MACROD2: variants seen among roughly 807,000 people sequenced by gnomAD.
The protein encoded by MACROD2 is mono-ADP ribosylhydrolase 2, also known as ADP-ribose glycohydrolase MACROD2.
Under a neutral mutation model 70.4 loss-of-function variants are expected in MACROD2, and 36 were observed. The ratio of observed to expected loss-of-function variants is 0.51; its 90% confidence interval spans 0.39 to 0.68. MACROD2 has a LOEUF of 0.68. MACROD2 is among the 30% of genes least tolerant of loss of function. MACROD2 has a pLI of 0.00. For synonymous variants in MACROD2, 172 were observed against 178.8 expected, an observed-to-expected ratio of 0.96 and a Z score of 0.30; for missense variants, 496 against 538.4, an observed-to-expected ratio of 0.92 and a Z score of 0.78.
At chr20:15,438,951 T>C (rs904462186) in intron 7 of MACROD2, among the ~76,000 whole-genome samples, 1 of 152,210 alleles carries the variant, frequency 6.6e-6, no homozygotes, top group Non-Finnish European at 1.5e-5. Flanking sequence ...ACATTTCTAT[T>C]CTAGGAAAAA....
At chr20:15,660,870 C>T (rs537752439) in intron 8 of MACROD2, among the ~76,000 whole-genome samples, 6 of 152,172 alleles carry the variant, frequency 3.9e-5, no homozygotes, top group African/African-American at 1.4e-4. Context: ...TTATTAAAAG[C>T]CTTTAGTTTG....
At chr20:16,025,401 A>C (rs1233408638) in intron 15 of MACROD2, among the ~76,000 whole-genome samples, 2 of 152,266 alleles carry the variant, frequency 1.3e-5, no homozygotes, top group Non-Finnish European at 2.9e-5. Context: ...AAAAAGCAAA[A>C]GATTCTTGAC....
intron 5 of MACROD2, among the ~76,000 whole-genome samples, chr20:14,865,540 G>A (rs149033777): frequency 2.1e-4 from 32 of 152,024 alleles, no homozygotes; most frequent in African/African-American, 7.7e-4. Flanking sequence ...CGTTATTCTA[G>A]TGGAATAACA....
chr20:15,045,719 GTTTTTTTTTT>G (rs71335981), intron 5 of MACROD2, among the ~76,000 whole-genome samples: 2 of 73,384 alleles, frequency 2.7e-5, no homozygotes, highest in Admixed American at 2.1e-4. Context: ...CCAGACCAGG[GTTTTTTTTTT>G]TTTTTTTTTT....
chr20:15,098,707 TG>T (rs1295332886), intron 5 of MACROD2, among the ~76,000 whole-genome samples: 3 of 152,200 alleles, frequency 2.0e-5, no homozygotes, highest in African/African-American at 7.2e-5. Context: ...GAAGTTATGA[TG>T]GTGGTAGAAC....
At chr20:15,887,758 G>C (rs554983875) in intron 10 of MACROD2, among the ~76,000 whole-genome samples, 1 of 152,204 alleles carries the variant, frequency 6.6e-6, no homozygotes, top group Non-Finnish European at 1.5e-5. Flanking sequence ...AAGAACGTAA[G>C]ACTAACTTTA....
chr20:14,054,844 G>A (rs1476216944), intron 2 of MACROD2, among the ~76,000 whole-genome samples: 2 of 152,100 alleles, frequency 1.3e-5, no homozygotes, highest in Admixed American at 1.3e-4. Context: ...TGCAGGCAGT[G>A]ATTTTATTTT....
intron 6 of MACROD2, among the ~76,000 whole-genome samples, chr20:15,234,685 C>CTA (rs1325281224): frequency 6.6e-6 from 1 of 151,730 alleles, no homozygotes; most frequent in Non-Finnish European, 1.5e-5. Context: ...ATATCCTTGG[C>CTA]TATATATATC....
intron 6 of MACROD2, among the ~76,000 whole-genome samples, chr20:15,373,208 C>T (rs556161224): frequency 1.2e-4 from 19 of 152,222 alleles, no homozygotes; most frequent in South Asian, 2.1e-4. Context: ...AAATGTACAA[C>T]GCTATTTCTG....
intron 8 of MACROD2, among the ~76,000 whole-genome samples, chr20:15,550,056 C>T (rs1456958157): frequency 6.6e-6 from 1 of 151,868 alleles, no homozygotes; most frequent in Non-Finnish European, 1.5e-5. Context: ...CCAGTTGACC[C>T]AATGATGTTT....
At chr20:15,691,072 G>T (rs12479612) in intron 8 of MACROD2, among the ~76,000 whole-genome samples, 12 of 152,140 alleles carry the variant, frequency 7.9e-5, no homozygotes, top group African/African-American at 2.4e-4. Flanking sequence ...GATTGACAGA[G>T]GGAAAGTTGC....
At chr20:14,020,951 T>C (rs1444611936) in intron 2 of MACROD2, among the ~76,000 whole-genome samples, 1 of 151,798 alleles carries the variant, frequency 6.6e-6, no homozygotes, top group Non-Finnish European at 1.5e-5. Context: ...CGTGACTTTC[T>C]AAATTCCCCT....
chr20:14,717,418 G>A (rs1313575962), intron 5 of MACROD2, among the ~76,000 whole-genome samples: 1 of 151,978 alleles, frequency 6.6e-6, no homozygotes, highest in Non-Finnish European at 1.5e-5. Context: ...TCCTTGAAAA[G>A]ACTGAAATAT....
At chr20:15,658,139 ATAAT>A (rs1311101906) in intron 8 of MACROD2, among the ~76,000 whole-genome samples, 1 of 149,396 alleles carries the variant, frequency 6.7e-6, no homozygotes, top group Non-Finnish European at 1.5e-5. Flanking sequence ...TAATTCATTA[ATAAT>A]TAAAAACAGT....
At chr20:15,255,012 G>A (rs1414210373) in intron 6 of MACROD2, among the ~76,000 whole-genome samples, 22 of 146,264 alleles carry the variant, frequency 1.5e-4, no homozygotes, top group African/African-American at 5.3e-4. Flanking sequence ...GTTAACTGGA[G>A]CTCCTGGGGA....
intron 5 of MACROD2, among the ~76,000 whole-genome samples, chr20:15,001,385 C>G (rs753709588): frequency 1.3e-5 from 2 of 152,140 alleles, no homozygotes; most frequent in Non-Finnish European, 2.9e-5. Flanking sequence ...GCACAGCACT[C>G]TGCTCTGTCA....
chr20:14,924,465 TA>T lies in MACROD2; in HGVS notation c.418+239515del, dbSNP rs941232633. Among the ~76,000 whole-genome samples, 508 of 148,284 alleles carry T rather than the reference TA, an allele frequency of 3.4e-3. 4 individuals are homozygous for T. The highest frequency in any genetic ancestry group is 0.011 in the African/African-American group (460 of 40,046). ...AAAAATAAAAATAAAAAATAAAAAA[TA>T]AAAAAAAAGAAAGAAAGTAGAGTTA... On this transcript the variant is annotated intron_variant, in intron 5 of 17. Transcript: ENST00000684519.
chr20:14,325,921 A>G, intron 3 of MACROD2: 1 of 1,613,954 alleles, frequency 6.2e-7, no homozygotes, highest in Non-Finnish European at 8.5e-7. Context: ...GATGGCAGCC[A>G]AAGGTAAATT....
intron 3 of MACROD2, among the ~76,000 whole-genome samples, chr20:14,395,209 T>C (rs2083568567): frequency 6.6e-6 from 1 of 152,122 alleles, no homozygotes; most frequent in African/African-American, 2.4e-5. Context: ...AGACATCTGG[T>C]CCTGGAGTGA....
Sources: allele counts gnomAD v4.1 joint callset (sites outside exome capture counted in the v4.1 genomes callset), GRCh38; gene constraint gnomAD v4.1.1; transcripts MANE v1.5; gene names NCBI Gene and HGNC (gene_info 2026-07-23, HGNC 2026-07-21).